The following FGF14 variants were observed in gnomAD, a reference collection of about 807,000 sequenced individuals.
FGF14 encodes fibroblast growth factor 14.
In FGF14, 5 loss-of-function variants were observed where a neutral mutation model predicts 25.5. The observed-to-expected ratio is 0.20, with a 90% confidence interval of 0.10 to 0.41. FGF14 has a LOEUF of 0.41. FGF14 is among the 10% of genes least tolerant of loss of function. FGF14 has a pLI of 1.00. For missense variants in FGF14, 222 were observed against 320.1 expected (o/e 0.69, Z 2.34); for synonymous variants, 138 against 118.3 (o/e 1.17, Z -1.08).
chr13:102,326,325 A>G (rs1307225856), intron 1 of FGF14, among the ~76,000 whole-genome samples: 1 of 152,188 alleles, frequency 6.6e-6, no homozygotes. Context: ...TATCAGTATA[A>G]TTAAGCCGAA....
chr13:101,880,543 C>T (rs59183111), intron 1 of FGF14, among the ~76,000 whole-genome samples: 25,578 of 152,098 alleles, frequency 0.17, 2,681 homozygotes, highest in East Asian at 0.29. Flanking sequence ...CTAGCCTGGG[C>T]AACAAGAGCA....
chr13:102,349,836 T>C (rs1168359446), intron 1 of FGF14, among the ~76,000 whole-genome samples: 1 of 152,172 alleles, frequency 6.6e-6, no homozygotes, highest in Admixed American at 6.5e-5. Context: ...GTGCAACAAA[T>C]CTATAAATAT....
Position 101,722,875 on chromosome 13 carries a change from T to C in FGF14, c.700A>G (p.Ile234Val), listed in dbSNP as rs756017432. Reference sequence around the variant, plus strand: ...TTGACTGGTTTGCCTCCATTCATTATTGCAGACGCACTTGTGCTTTTACTT... The same window carrying C: ...TTGACTGGTTTGCCTCCATTCATTACTGCAGACGCACTTGTGCTTTTACTT... ...TPSKSTSASA[I>V]MNGGKPVNKS... Residue 234 changes from isoleucine to valine, a missense_variant, in exon 5 of 5, where the codon ATA (isoleucine) becomes GTA (valine). By Grantham distance (29) the Ile-to-Val change is conservative. Around this residue, in one of 5 missense-constraint regions of FGF14, gnomAD observed 66 missense variants for 90.3 expected, o/e 0.73. Transcript: ENST00000376143. The C allele has an allele frequency of 2.1e-5, 34 of 1,613,380 alleles. No homozygotes were observed. The South Asian group carries it at 3.3e-4, about 16-fold the overall frequency.
intron 1 of FGF14, among the ~76,000 whole-genome samples, chr13:102,091,914 T>C (rs886578964): frequency 6.6e-6 from 1 of 152,242 alleles, no homozygotes; most frequent in African/African-American, 2.4e-5. Flanking sequence ...CTCTGACCAC[T>C]ACCTCTACTG....
intron 3 of FGF14, among the ~76,000 whole-genome samples, chr13:101,754,932 C>T (rs1422742787): frequency 6.6e-6 from 1 of 152,120 alleles, no homozygotes; most frequent in Non-Finnish European, 1.5e-5. Context: ...AAGTAGAATA[C>T]ACTTCCTAAC....
intron 1 of FGF14, among the ~76,000 whole-genome samples, chr13:102,158,934 T>G (rs1276088155): frequency 6.6e-6 from 1 of 150,812 alleles, no homozygotes; most frequent in African/African-American, 2.4e-5. Context: ...AGGTCAGGAG[T>G]TCGAGACCAG....
intron 3 of FGF14, among the ~76,000 whole-genome samples, chr13:101,823,966 C>T (rs1208921351): frequency 6.6e-6 from 1 of 151,708 alleles, no homozygotes; most frequent in Non-Finnish European, 1.5e-5. Context: ...TGGTATTCTA[C>T]ATAATTCTAT....
intron 1 of FGF14, among the ~76,000 whole-genome samples, chr13:102,352,769 G>A (rs1391007555): frequency 4.9e-5 from 7 of 144,258 alleles, no homozygotes; most frequent in African/African-American, 1.8e-4. Flanking sequence ...CCGAGATCGC[G>A]CCACTGCACT....
At chr13:102,149,816 G>A (rs920398941) in intron 1 of FGF14, among the ~76,000 whole-genome samples, 1 of 152,144 alleles carries the variant, frequency 6.6e-6, no homozygotes, top group Non-Finnish European at 1.5e-5. Context: ...AATACAGGGA[G>A]CCCTACTTGG....
intron 1 of FGF14, among the ~76,000 whole-genome samples, chr13:102,070,958 C>CAAA (rs924284735): frequency 2.8e-5 from 1 of 35,772 alleles, no homozygotes; most frequent in African/African-American, 8.0e-4. Context: ...CAAAACAAAA[C>CAAA]ACACACACAC....
intron 3 of FGF14, among the ~76,000 whole-genome samples, chr13:101,784,238 CT>C (rs770196041): frequency 2.6e-5 from 4 of 152,208 alleles, no homozygotes. Context: ...TTAGAAGTAG[CT>C]ATCTACAATG....
At chr13:101,741,590 T>C (rs965493359) in intron 3 of FGF14, among the ~76,000 whole-genome samples, 1 of 149,966 alleles carries the variant, frequency 6.7e-6, no homozygotes, top group African/African-American at 2.5e-5. Flanking sequence ...TACAAATTCA[T>C]CTAAACCTTT....
In FGF14 at chr13:101,818,202, T is replaced by C. The variant is rs1461986833; in HGVS notation, c.408+50523A>G. ...ATATTCTGTGTCATACTGTCAGGAG[T>C]GAAAGATTCATTTTTGCTTCTCTTG... On this transcript the variant is annotated intron_variant, in intron 3 of 4. Coordinates refer to ENST00000376143, the MANE Select transcript of FGF14 (RefSeq NM_004115.4). Among the ~76,000 whole-genome samples, 4 of 152,276 alleles carry C rather than the reference T, an allele frequency of 2.6e-5. No homozygotes were observed. In the East Asian group the frequency reaches 7.7e-4, roughly 29 times the overall value.
intron 1 of FGF14, among the ~76,000 whole-genome samples, chr13:102,093,323 ATACT>A (rs1363933362): frequency 9.8e-5 from 15 of 152,340 alleles, no homozygotes; most frequent in African/African-American, 1.9e-4. Context: ...ATTTATGTAT[ATACT>A]TACTGACCAA....
At position 102,149,442 on chromosome 13, in the gene FGF14, G is replaced by C. The variant is rs554771392; in HGVS notation, c.208+252029C>G. Among the ~76,000 whole-genome samples the C allele has an allele frequency of 3.9e-5, 6 of 152,254 alleles. 1 individual carries two copies. In the South Asian group the frequency reaches 1.0e-3, roughly 26 times the overall value. On this transcript the variant is annotated intron_variant, in intron 1 of 4. Transcript: ENST00000376131. ...CAACTACACACAGTACTGTGAGAGA[G>C]AGACAGAGACTGAAGACCCTGACAT...
chr13:102,078,722 G>A (rs555744981), intron 1 of FGF14, among the ~76,000 whole-genome samples: 2 of 152,274 alleles, frequency 1.3e-5, no homozygotes, highest in East Asian at 3.9e-4. Flanking sequence ...GTTAAAAGCT[G>A]GAGGAATGGT....
chr13:102,331,284 T>A (rs2056625756), intron 1 of FGF14, among the ~76,000 whole-genome samples: 1 of 152,148 alleles, frequency 6.6e-6, no homozygotes, highest in East Asian at 1.9e-4. Context: ...TATTTTAATA[T>A]CCCAAGGCCC....
intron 1 of FGF14, among the ~76,000 whole-genome samples, chr13:102,206,007 A>T (rs1465358470): frequency 2.8e-5 from 1 of 35,980 alleles, no homozygotes; most frequent in African/African-American, 4.0e-4. Flanking sequence ...AAAAAAAAAA[A>T]AAAAAAAAAA....
chr13:101,762,814 C>G (rs1038098282), intron 3 of FGF14, among the ~76,000 whole-genome samples: 1 of 152,166 alleles, frequency 6.6e-6, no homozygotes, highest in African/African-American at 2.4e-5. Flanking sequence ...TTTCATTTTT[C>G]CAAATCCGTA....
Sources: gnomAD v4.1 joint callset for allele counts (sites outside exome capture counted in the v4.1 genomes callset) on GRCh38, gnomAD v4.1.1 for gene constraint, gnomAD v4.1.1 regional missense constraint, MANE v1.5 for transcripts, NCBI Gene and HGNC (gene_info 2026-07-23, HGNC 2026-07-21) for gene names.